Variants in ADGRB3 observed in about 807,000 individuals in gnomAD.
ADGRB3 encodes adhesion G protein-coupled receptor B3.
A neutral mutation model predicts 193.4 loss-of-function variants in ADGRB3; 37 were observed. That is an observed-to-expected ratio of 0.19 (90% CI 0.15 to 0.25). The LOEUF (loss-of-function observed/expected upper bound fraction) is 0.25. Among genes scored for constraint, ADGRB3 ranks in the 10% least tolerant of loss-of-function variants. ADGRB3 has a pLI of 1.00. For missense variants in ADGRB3, 1,637 were observed against 1,852.9 expected, an observed-to-expected ratio of 0.88 and a Z score of 2.14; for synonymous variants, 690 against 644.2, an observed-to-expected ratio of 1.07 and a Z score of -1.08.
At chr6:68,932,339 T>C (rs1767362900) in intron 4 of ADGRB3, among the ~76,000 whole-genome samples, 1 of 152,182 alleles carries the variant, frequency 6.6e-6, no homozygotes, top group Non-Finnish European at 1.5e-5. Context: ...AAAGTTTTTG[T>C]ACAAGTTTTT....
chr6:69,023,050 C>CTAGAA (rs1257958334), intron 13 of ADGRB3, among the ~76,000 whole-genome samples: 28 of 151,934 alleles, frequency 1.8e-4, no homozygotes, highest in African/African-American at 6.8e-4. Flanking sequence ...TAGTTTAGAA[C>CTAGAA]CTAGAACTAG....
intron 13 of ADGRB3, among the ~76,000 whole-genome samples, chr6:69,045,923 A>G (rs1346230025): frequency 6.6e-6 from 1 of 152,166 alleles, no homozygotes; most frequent in Non-Finnish European, 1.5e-5. Flanking sequence ...AGTACAGTCT[A>G]ATTTATATAA....
chr6:68,718,614 C>A (rs78529071), intron 3 of ADGRB3, among the ~76,000 whole-genome samples: 1 of 151,664 alleles, frequency 6.6e-6, no homozygotes, highest in Non-Finnish European at 1.5e-5. Flanking sequence ...TTCTCAAGAC[C>A]CATTTTATGT....
chr6:68,867,751 G>A lies in ADGRB3; in HGVS notation c.758-62808G>A, dbSNP rs1389786382. On this transcript the variant is annotated intron_variant, in intron 3 of 31. Transcript: ENST00000370598. The stretch of plus-strand genomic sequence containing the variant: ...CTTTGTATCCGCATGTCCTGTATGT[G>A]AGACATGACGTCAAAGGAGATTATT... Among the ~76,000 whole-genome samples the A allele has an allele frequency of 2.6e-5, 4 of 152,224 alleles. No individual in the cohort carries two copies. In the South Asian group the frequency reaches 6.2e-4, roughly 24 times the overall value.
intron 5 of ADGRB3, among the ~76,000 whole-genome samples, chr6:68,941,426 A>G (rs571918915): frequency 1.3e-5 from 2 of 152,206 alleles, no homozygotes; most frequent in Non-Finnish European, 2.9e-5. Context: ...AGTATTAAGT[A>G]AGATTAATTT....
At chr6:69,273,097 C>T (rs1485052016) in intron 20 of ADGRB3, among the ~76,000 whole-genome samples, 2 of 152,106 alleles carry the variant, frequency 1.3e-5, no homozygotes, top group Admixed American at 6.5e-5. Context: ...GACGGGGTTT[C>T]ACCATGTTGG....
At chr6:69,167,376 A>C (rs16900553) in intron 17 of ADGRB3, among the ~76,000 whole-genome samples, 21,448 of 152,096 alleles carry the variant, frequency 0.14, 1,558 homozygotes, top group Middle Eastern at 0.16. Context: ...GTATATTAGA[A>C]GGAACACATT....
chr6:69,186,278 A>C (rs1356296325), intron 17 of ADGRB3, among the ~76,000 whole-genome samples: 1 of 152,116 alleles, frequency 6.6e-6, no homozygotes, highest in Non-Finnish European at 1.5e-5. Context: ...AATAAGCTAA[A>C]AGGCATGGTG....
chr6:69,049,290 A>G lies in ADGRB3; in HGVS notation c.2277A>G (p.Val759=), dbSNP rs61756330. Residue 759 remains valine, a synonymous_variant, in exon 15 of 32, where the codon GTA becomes GTG. Transcript: ENST00000370598. ...TTCTAGAATTAGATGAATCATCTGT[A>G]TTTGTTCTTGGCGCAGTCCTATACA... The part of the protein sequence containing the change: ...VSSKELDESS[V]FVLGAVLYKN... 227 of 1,606,954 alleles carry G rather than the reference A, an allele frequency of 1.4e-4. No homozygotes were observed. Among genetic ancestry groups the G allele is most frequent in the Non-Finnish European group, 1.7e-4 (198 of 1,175,950 alleles).
chr6:68,813,760 T>A (rs1192964809), intron 3 of ADGRB3, among the ~76,000 whole-genome samples: 1 of 152,134 alleles, frequency 6.6e-6, no homozygotes, highest in African/African-American at 2.4e-5. Flanking sequence ...CCTGTGTCCA[T>A]GTGTTCTCAT....
intron 8 of ADGRB3, among the ~76,000 whole-genome samples, chr6:68,960,403 G>T (rs1361555770): frequency 2.6e-5 from 4 of 152,112 alleles, no homozygotes; most frequent in African/African-American, 9.7e-5. Context: ...CATACTAAAG[G>T]AGGGCAGCCG....
chr6:69,161,869 A>G (rs1366049483), intron 17 of ADGRB3, among the ~76,000 whole-genome samples: 3 of 152,140 alleles, frequency 2.0e-5, no homozygotes, highest in African/African-American at 4.8e-5. Context: ...GCAACTCACA[A>G]CATGGCAGCT....
At chr6:68,858,798 G>A (rs1765067111) in intron 3 of ADGRB3, among the ~76,000 whole-genome samples, 1 of 152,076 alleles carries the variant, frequency 6.6e-6, no homozygotes, top group Admixed American at 6.5e-5. Context: ...TCCCTAGACT[G>A]CACACAGTGT....
chr6:68,826,701 A>T (rs565182264), intron 3 of ADGRB3, among the ~76,000 whole-genome samples: 54 of 152,340 alleles, frequency 3.5e-4, no homozygotes, highest in African/African-American at 1.3e-3. Flanking sequence ...AGTGGTTTTC[A>T]TCAGAACAAT....
At chr6:68,905,657 T>C (rs1766522780) in intron 3 of ADGRB3, among the ~76,000 whole-genome samples, 1 of 152,160 alleles carries the variant, frequency 6.6e-6, no homozygotes, top group Non-Finnish European at 1.5e-5. Context: ...AATTTTATCA[T>C]TCTACAGCTC....
At chr6:69,287,889 T>A (rs531920438) in intron 20 of ADGRB3, among the ~76,000 whole-genome samples, 1 of 152,338 alleles carries the variant, frequency 6.6e-6, no homozygotes, top group South Asian at 2.1e-4. Flanking sequence ...ATAGCAGTCC[T>A]TCTTGTTTTC....
At chr6:68,677,170 G>A (rs1233403201) in intron 3 of ADGRB3, among the ~76,000 whole-genome samples, 2 of 152,058 alleles carry the variant, frequency 1.3e-5, no homozygotes, top group African/African-American at 4.8e-5. Flanking sequence ...TCAGATATTT[G>A]TATTTCTTAA....
rs574037267 is a variant in ADGRB3, at chr6:68,648,473, T to G, written c.757+9041T>G. On this transcript the variant is annotated intron_variant, in intron 3 of 31. Coordinates refer to ENST00000370598, the MANE Select transcript of ADGRB3 (RefSeq NM_001704.3). ...TATTTGGGGAGTGTGAGTTTTTTTG[T>G]TTTTTTTTTCGAAAGAGAGCAAATA... 3.6e-3 allele frequency among the ~76,000 whole-genome samples: 281 copies of G among 78,708 alleles called. 4 individuals carry two copies. The highest frequency in any genetic ancestry group is 3.3e-3 in the Non-Finnish European group (161 of 48,742). The allele number at this position is 78,708 out of a possible 152,430, so 51.6% of individuals were successfully genotyped here. A position where few individuals can be genotyped will look rare whatever the true frequency, so the allele number is the denominator to read the frequency against.
chr6:69,123,456 A>G (rs547670745), intron 17 of ADGRB3, among the ~76,000 whole-genome samples: 37 of 152,166 alleles, frequency 2.4e-4, no homozygotes, highest in Non-Finnish European at 1.9e-4. Context: ...CCCTGGCACC[A>G]TTGTGGATTC....
Sources: allele counts gnomAD v4.1 joint callset (sites outside exome capture counted in the v4.1 genomes callset), GRCh38; gene constraint gnomAD v4.1.1; transcripts MANE v1.5; gene names NCBI Gene and HGNC (gene_info 2026-07-23, HGNC 2026-07-21).